Variants in NRG3 observed in about 807,000 individuals in gnomAD.
The protein encoded by NRG3 is neuregulin 3, also known as pro-neuregulin-3, membrane-bound isoform.
In NRG3, 31 loss-of-function variants were observed where a neutral mutation model predicts 66.9. The observed-to-expected ratio is 0.46, with a 90% CI of 0.35 to 0.63. The LOEUF (loss-of-function observed/expected upper bound fraction) is 0.63, where lower values mean the gene tolerates loss of function less well. Ranked by LOEUF, NRG3 falls within the 20% of genes least tolerant of loss-of-function variation. The pLI, the probability that NRG3 is intolerant of heterozygous loss-of-function variation, is 0.00. For synonymous variants in NRG3, 393 were observed against 359.4 expected, an observed-to-expected ratio of 1.09 and a Z score of -1.06; for missense variants, 910 against 878.9, an observed-to-expected ratio of 1.04 and a Z score of -0.45.
At chr10:82,936,757 A>G (rs1354957680) in intron 4 of NRG3, among the ~76,000 whole-genome samples, 2 of 152,216 alleles carry the variant, frequency 1.3e-5, no homozygotes, top group South Asian at 2.1e-4. Context: ...AAGTAAATAT[A>G]TTTAAAAAAA....
intron 2 of NRG3, among the ~76,000 whole-genome samples, chr10:82,656,952 C>T (rs577878624): frequency 1.3e-5 from 2 of 152,212 alleles, no homozygotes; most frequent in East Asian, 1.9e-4. Context: ...TGGCTCTCCT[C>T]CCCTCATCAC....
At chr10:81,939,878 AT>A (rs1012258636) in intron 1 of NRG3, among the ~76,000 whole-genome samples, 12 of 149,770 alleles carry the variant, frequency 8.0e-5, no homozygotes, top group African/African-American at 1.5e-4. Flanking sequence ...TGTTGATTTG[AT>A]TTTTTTTATA....
At chr10:82,006,889 A>C (rs10736168) in intron 1 of NRG3, among the ~76,000 whole-genome samples, 129,161 of 152,146 alleles carry the variant, frequency 0.85, 56,369 homozygotes, top group Middle Eastern at 0.97. Flanking sequence ...ATTCACAGCA[A>C]AATTTCCTTG....
chr10:81,972,685 G>A lies in NRG3; in HGVS notation c.823+96522G>A, dbSNP rs116151856. ...TGAATGGGACATTAGTGATCTGTGG[G>A]GCAACTTCAAACATCCTATTATAAG... On this transcript the variant is annotated intron_variant, in intron 1 of 8. Transcript: ENST00000372141. 3.7e-3 allele frequency among the ~76,000 whole-genome samples: 559 copies of A among 152,040 alleles called. 6 individuals carry two copies. Among genetic ancestry groups the A allele is most frequent in the African/African-American group, 0.013 (534 of 41,502 alleles).
At chr10:82,172,756 G>A (rs17099533) in intron 1 of NRG3, among the ~76,000 whole-genome samples, 8,244 of 152,080 alleles carry the variant, frequency 0.054, 537 homozygotes, top group East Asian at 0.19. Flanking sequence ...AAACACAGAG[G>A]TCTGCGGGGC....
chr10:82,905,595 G>A (rs989692964), intron 4 of NRG3, among the ~76,000 whole-genome samples: 1 of 152,020 alleles, frequency 6.6e-6, no homozygotes, highest in Non-Finnish European at 1.5e-5. Flanking sequence ...AAATCTTGGG[G>A]AAAGTGTGCT....
At chr10:82,041,875 A>G (rs536216006) in intron 1 of NRG3, among the ~76,000 whole-genome samples, 180 of 152,088 alleles carry the variant, frequency 1.2e-3, no homozygotes, top group African/African-American at 4.2e-3. Flanking sequence ...CCCAACAACC[A>G]AAGTCAGAGT....
chr10:82,668,975 T>G (rs922907802), intron 2 of NRG3, among the ~76,000 whole-genome samples: 1 of 152,154 alleles, frequency 6.6e-6, no homozygotes, highest in Non-Finnish European at 1.5e-5. Context: ...TGGGAACTGC[T>G]GTTAAAGTCG....
intron 1 of NRG3, among the ~76,000 whole-genome samples, chr10:82,236,091 A>G (rs923415455): frequency 6.6e-6 from 1 of 152,138 alleles, no homozygotes; most frequent in African/African-American, 2.4e-5. Context: ...AATAGAGGAT[A>G]GGTTTGGACA....
intron 2 of NRG3, among the ~76,000 whole-genome samples, chr10:82,375,498 C>T (rs1384801174): frequency 6.6e-6 from 1 of 150,846 alleles, no homozygotes. Flanking sequence ...GATCGTGCCA[C>T]CGCACTCCAG....
At chr10:82,822,851 C>G (rs1393628561) in intron 3 of NRG3, among the ~76,000 whole-genome samples, 1 of 151,796 alleles carries the variant, frequency 6.6e-6, no homozygotes, top group African/African-American at 2.4e-5. Context: ...ACTAAGGGGT[C>G]TTTCCTTTCT....
intron 1 of NRG3, among the ~76,000 whole-genome samples, chr10:81,954,908 ATTGACTGTC>A (rs1268078336): frequency 6.6e-6 from 1 of 152,000 alleles, no homozygotes; most frequent in East Asian, 1.9e-4. Context: ...TTTGCATAGC[ATTGACTGTC>A]TTGATATGAT....
At chr10:81,913,570 C>G (rs574020158) in intron 1 of NRG3, among the ~76,000 whole-genome samples, 1 of 151,972 alleles carries the variant, frequency 6.6e-6, no homozygotes, top group African/African-American at 2.4e-5. Flanking sequence ...ATTACAAGCA[C>G]GCACCATCAG....
intron 2 of NRG3, among the ~76,000 whole-genome samples, chr10:82,695,813 C>T (rs945902507): frequency 2.0e-5 from 3 of 152,014 alleles, no homozygotes; most frequent in African/African-American, 4.8e-5. Context: ...TTTATTTTAT[C>T]TAGGGAATGA....
At chr10:81,890,744 G>T (rs1204169933) in intron 1 of NRG3, among the ~76,000 whole-genome samples, 2 of 152,140 alleles carry the variant, frequency 1.3e-5, no homozygotes, top group African/African-American at 2.4e-5. Flanking sequence ...GTGTCTTTAT[G>T]TATTGCACTT....
intron 2 of NRG3, among the ~76,000 whole-genome samples, chr10:82,584,759 G>T (rs751267377): frequency 6.6e-6 from 1 of 152,104 alleles, no homozygotes; most frequent in African/African-American, 2.4e-5. Flanking sequence ...GCAGATATAA[G>T]CATGATGCTT....
At chr10:82,007,211 CTTTTTT>C (rs34146080) in intron 1 of NRG3, among the ~76,000 whole-genome samples, 3 of 130,550 alleles carry the variant, frequency 2.3e-5, no homozygotes, top group Non-Finnish European at 4.8e-5. Context: ...TTTTTCTTTT[CTTTTTT>C]TTTTTTTTTT....
chr10:82,385,473 A>T (rs1589937500), intron 2 of NRG3, among the ~76,000 whole-genome samples: 1 of 152,198 alleles, frequency 6.6e-6, no homozygotes, highest in East Asian at 1.9e-4. Context: ...TGCAAAGTGT[A>T]TAGAATGATA....
intron 5 of NRG3, 130 bp downstream of exon 5, chr10:82,951,701 A>G: frequency 1.4e-6 from 1 of 712,496 alleles, no homozygotes; most frequent in Non-Finnish European, 2.4e-6. Context: ...TCTGCAAGTG[A>G]CTTAGGACAT....
Sources: allele counts gnomAD v4.1 joint callset (sites outside exome capture counted in the v4.1 genomes callset), GRCh38; gene constraint gnomAD v4.1.1; transcripts MANE v1.5; gene names NCBI Gene and HGNC (gene_info 2026-07-23, HGNC 2026-07-21).